The following PRORP variants were observed in gnomAD, a reference collection of about 807,000 sequenced individuals.
The protein encoded by PRORP is protein only RNase P catalytic subunit.
In PRORP, 51 loss-of-function variants were observed where a neutral mutation model predicts 59.4. That is an observed-to-expected ratio of 0.86 (90% confidence interval 0.69 to 1.08). The LOEUF (loss-of-function observed/expected upper bound fraction) is 1.08, where lower values mean the gene tolerates loss of function less well. PRORP is among the 50% of genes least tolerant of loss of function. The pLI is 0.00. For missense variants in PRORP, 646 were observed against 690.3 expected (o/e 0.94, Z 0.72); for synonymous variants, 231 against 245.6 (o/e 0.94, Z 0.55).
At chr14:35,203,513 T>G (rs932167487) in intron 5 of PRORP, among the ~76,000 whole-genome samples, 3 of 151,220 alleles carry the variant, frequency 2.0e-5, no homozygotes, top group Non-Finnish European at 4.4e-5. Flanking sequence ...CACGACAGAG[T>G]GATACCCTGT....
chr14:35,235,595 T>A, intron 5 of PRORP: 1 of 494,982 alleles, frequency 2.0e-6, no homozygotes, highest in Admixed American at 3.1e-5. Flanking sequence ...AGTGGGGACG[T>A]CCCCTTTGCC....
chr14:35,124,679 A>G (rs1332566811), intron 2 of PRORP, among the ~76,000 whole-genome samples: 1 of 147,594 alleles, frequency 6.8e-6, no homozygotes, highest in African/African-American at 2.5e-5. Flanking sequence ...TTTTGGAAGG[A>G]TCATTAATTT....
At chr14:35,265,404 G>GTTAAA (rs1566537164) in intron 5 of PRORP, among the ~76,000 whole-genome samples, 2 of 152,008 alleles carry the variant, frequency 1.3e-5, no homozygotes, top group Non-Finnish European at 2.9e-5. Context: ...TTTAATAGGT[G>GTTAAA]GTACATAAAA....
chr14:35,202,000 C>T (rs1160291889), intron 5 of PRORP, among the ~76,000 whole-genome samples: 8 of 146,376 alleles, frequency 5.5e-5, no homozygotes, highest in East Asian at 4.1e-4. Context: ...GACAGAGTCT[C>T]GACCTGTCAC....
intron 5 of PRORP, among the ~76,000 whole-genome samples, chr14:35,203,098 A>T (rs2049199108): frequency 6.6e-6 from 1 of 152,196 alleles, no homozygotes; most frequent in Non-Finnish European, 1.5e-5. Flanking sequence ...TTATTTTTAA[A>T]GTTACTGGAA....
chr14:35,123,505 C>T lies in PRORP; in HGVS notation c.260C>T (p.Ala87Val). Residue 87 changes from alanine (A) to valine (V), a missense_variant, in exon 2 of 8, where the codon GCT becomes GTT. Coordinates refer to ENST00000534898, the MANE Select transcript of PRORP (RefSeq NM_014672.4). Reference protein sequence around the residue: ...QVYSVPHFFLAGAAKERSQMN... With the variant: ...QVYSVPHFFLVGAAKERSQMN... The stretch of plus-strand genomic sequence containing the variant: ...TATTCTGTTCCTCATTTTTTTTTAG[C>T]TGGAGCAGCTAAGGAGAGATCACAG... 1 of 1,613,936 alleles carries T rather than the reference C, an allele frequency of 6.2e-7. No homozygotes were observed.
chr14:35,168,936 A>G (rs188624423), intron 4 of PRORP, among the ~76,000 whole-genome samples: 1,543 of 144,230 alleles, frequency 0.011, 14 homozygotes, highest in Non-Finnish European at 0.016. Flanking sequence ...ATTGAGGTTC[A>G]TTCATTTTTT....
rs1405564032 is a variant in PRORP, at chr14:35,154,647, A to G, written c.1168-26023A>G. ...CACCTCAAGGGTACAATTACCAAAT[A>G]CCATCTGTGGGAAACTGCAAGACAA... is the stretch of plus-strand genomic sequence containing the variant. On this transcript the variant is annotated intron_variant, in intron 4 of 7. Transcript: ENST00000534898. Among the ~76,000 whole-genome samples the G allele has an allele frequency of 4.6e-5, 7 of 152,002 alleles. No individual in the cohort carries two copies. In the East Asian group the frequency reaches 1.4e-3, roughly 29 times the overall value.
rs540658536 is a variant in PRORP, at chr14:35,191,868, G to A, written c.1275+11091G>A. Among the ~76,000 whole-genome samples the A allele has an allele frequency of 2.0e-5, 3 of 150,538 alleles. No individual in the cohort carries two copies. The South Asian group carries it at 6.2e-4, about 31-fold the overall frequency. On this transcript the variant is annotated intron_variant, in intron 5 of 7. Coordinates refer to ENST00000534898, the MANE Select transcript of PRORP (RefSeq NM_014672.4). ...ATCCAGTAGACTGACAAGTTTTCTT[G>A]GTTTTAACCCCAGTAGACTGACAAG...
At chr14:35,147,929 T>G (rs2047650790) in intron 4 of PRORP, among the ~76,000 whole-genome samples, 1 of 152,258 alleles carries the variant, frequency 6.6e-6, no homozygotes, top group Non-Finnish European at 1.5e-5. Flanking sequence ...AAGAAATTCC[T>G]AATCCAAGTT....
intron 4 of PRORP, among the ~76,000 whole-genome samples, chr14:35,174,381 C>G (rs933915738): frequency 6.6e-6 from 1 of 151,938 alleles, no homozygotes; most frequent in African/African-American, 2.4e-5. Context: ...ATTTTTTTCT[C>G]CATAGCATTC....
At chr14:35,127,400 T>G in intron 3 of PRORP, 79 bp from the exon 4 acceptor site, 11 of 680,658 alleles carry the variant, frequency 1.6e-5, no homozygotes, top group Non-Finnish European at 2.3e-5. Flanking sequence ...AATTTCCTCA[T>G]TGTTCATTTC....
At chr14:35,198,889 G>A (rs1349584052) in intron 5 of PRORP, among the ~76,000 whole-genome samples, 10 of 152,182 alleles carry the variant, frequency 6.6e-5, no homozygotes, top group Non-Finnish European at 1.3e-4. Context: ...AAATTAGGCC[G>A]GGCGTGGTGG....
At chr14:35,170,268 A>G (rs1378031629) in intron 4 of PRORP, among the ~76,000 whole-genome samples, 1 of 152,014 alleles carries the variant, frequency 6.6e-6, no homozygotes, top group East Asian at 1.9e-4. Context: ...TTTGTCTTCT[A>G]TTTATCCCAT....
At chr14:35,270,284 T>C (rs946154823) in intron 6 of PRORP, 117 bp from the exon 7 acceptor site, 4 of 898,120 alleles carry the variant, frequency 4.5e-6, no homozygotes, top group African/African-American at 3.3e-5. Flanking sequence ...ACTAGCATCA[T>C]GTTGGTCAAG....
At chr14:35,174,244 T>C (rs760461816) in intron 4 of PRORP, among the ~76,000 whole-genome samples, 3 of 152,018 alleles carry the variant, frequency 2.0e-5, no homozygotes, top group Non-Finnish European at 4.4e-5. Flanking sequence ...TCCCCTCCAG[T>C]TTCTGCCTGC....
chr14:35,139,474 G>A (rs531806045), intron 4 of PRORP, among the ~76,000 whole-genome samples: 8 of 144,866 alleles, frequency 5.5e-5, no homozygotes, highest in Non-Finnish European at 7.7e-5. Flanking sequence ...CAACCACTAT[G>A]GAATCATACA....
intron 4 of PRORP, chr14:35,158,877 G>A: frequency 3.3e-6 from 1 of 304,962 alleles, no homozygotes; most frequent in Non-Finnish European, 6.4e-6. Context: ...AATCTATGAG[G>A]AATCATGAGT....
chr14:35,157,644 C>A (rs1316444467), intron 4 of PRORP, among the ~76,000 whole-genome samples: 2 of 152,152 alleles, frequency 1.3e-5, no homozygotes, highest in Non-Finnish European at 2.9e-5. Flanking sequence ...CCTGCCTTGG[C>A]CTCCCAAAGT....
Sources: allele counts gnomAD v4.1 joint callset (sites outside exome capture counted in the v4.1 genomes callset), GRCh38; gene constraint gnomAD v4.1.1; transcripts MANE v1.5; gene names NCBI Gene and HGNC (gene_info 2026-07-23, HGNC 2026-07-21).